Variants in XYLT1 observed in about 807,000 individuals in gnomAD.
XYLT1 encodes the protein beta-D-xylosyltransferase 1.
XYLT1 carries 36 observed loss-of-function variants against 91.3 expected under a neutral mutation model. The ratio of observed to expected loss-of-function variants is 0.39; its 90% CI spans 0.30 to 0.52. The LOEUF (loss-of-function observed/expected upper bound fraction) is 0.52. Among genes scored for constraint, XYLT1 ranks in the 20% least tolerant of loss-of-function variants. The pLI, the probability that XYLT1 is intolerant of heterozygous loss-of-function variation, is 0.68. For missense variants in XYLT1, 1,242 were observed against 1,284.5 expected (o/e 0.97, Z 0.51); for synonymous variants, 588 against 532.0 (o/e 1.11, Z -1.45).
intron 1 of XYLT1, among the ~76,000 whole-genome samples, chr16:17,465,479 T>C (rs1567213215): frequency 6.6e-6 from 1 of 151,430 alleles, no homozygotes. Context: ...CGATTTCTAG[T>C]TGGGTGTCCT....
intron 3 of XYLT1, among the ~76,000 whole-genome samples, chr16:17,209,275 A>C (rs2035721214): frequency 6.6e-6 from 1 of 152,150 alleles, no homozygotes; most frequent in Non-Finnish European, 1.5e-5. Flanking sequence ...TTGTGTCTGG[A>C]TCCTTTCACT....
At chr16:17,131,838 C>A (rs1028564900) in intron 9 of XYLT1, among the ~76,000 whole-genome samples, 1 of 152,202 alleles carries the variant, frequency 6.6e-6, no homozygotes, top group African/African-American at 2.4e-5. Flanking sequence ...GGCTAGGAAT[C>A]CATTCTCTTC....
intron 2 of XYLT1, among the ~76,000 whole-genome samples, chr16:17,329,943 C>G (rs2034869587): frequency 6.6e-6 from 1 of 152,194 alleles, no homozygotes; most frequent in Non-Finnish European, 1.5e-5. Context: ...TGTTGAGCGT[C>G]TAACACCTAG....
At chr16:17,161,383 G>T (rs1263869440) in intron 5 of XYLT1, among the ~76,000 whole-genome samples, 1 of 152,182 alleles carries the variant, frequency 6.6e-6, no homozygotes, top group Non-Finnish European at 1.5e-5. Context: ...CTGTGTGCTT[G>T]GCAAAGGATC....
At chr16:17,328,729 T>C (rs912737499) in intron 2 of XYLT1, among the ~76,000 whole-genome samples, 1 of 152,164 alleles carries the variant, frequency 6.6e-6, no homozygotes, top group Non-Finnish European at 1.5e-5. Context: ...TCAGTGCTTT[T>C]AGCAGAATCT....
intron 5 of XYLT1, among the ~76,000 whole-genome samples, chr16:17,187,566 CAAAAAAAA>C (rs57130941): frequency 8.7e-5 from 5 of 57,238 alleles, no homozygotes; most frequent in African/African-American, 2.3e-4. Context: ...AACGCTGTCT[CAAAAAAAA>C]AAAAAAAAAA....
At chr16:17,454,621 C>T (rs1049669888) in intron 1 of XYLT1, among the ~76,000 whole-genome samples, 1 of 151,656 alleles carries the variant, frequency 6.6e-6, no homozygotes, top group Non-Finnish European at 1.5e-5. Context: ...AGTGCAATCT[C>T]TGCCTCCCGG....
chr16:17,444,064 G>C (rs181919194), intron 1 of XYLT1, among the ~76,000 whole-genome samples: 168 of 152,220 alleles, frequency 1.1e-3, no homozygotes, highest in Non-Finnish European at 2.0e-3. Flanking sequence ...GCTTCCTCCA[G>C]CCTTCACATT....
chr16:17,202,503 TC>T (rs1157295342), intron 3 of XYLT1, among the ~76,000 whole-genome samples: 9 of 152,318 alleles, frequency 5.9e-5, no homozygotes, highest in Non-Finnish European at 1.2e-4. Flanking sequence ...TTCTTTCTCT[TC>T]CTCAAACAAG....
chr16:17,159,336 TACC>T (rs920644707), intron 5 of XYLT1, among the ~76,000 whole-genome samples: 6 of 152,174 alleles, frequency 3.9e-5, no homozygotes, highest in African/African-American at 1.4e-4. Flanking sequence ...TCCTTTCAAA[TACC>T]ACCTCTTTAG....
At chr16:17,458,107 T>G (rs1190321566) in intron 1 of XYLT1, among the ~76,000 whole-genome samples, 1 of 152,222 alleles carries the variant, frequency 6.6e-6, no homozygotes, top group Non-Finnish European at 1.5e-5. Context: ...GGTTGAGAGC[T>G]GAGACTCTGC....
At chr16:17,242,983 G>A (rs918934431) in intron 3 of XYLT1, among the ~76,000 whole-genome samples, 5 of 152,336 alleles carry the variant, frequency 3.3e-5, no homozygotes, top group South Asian at 4.1e-4. Flanking sequence ...TCCACTGTAT[G>A]TGTAGACCAC....
chr16:17,319,042 C>T (rs2083395554), intron 2 of XYLT1, among the ~76,000 whole-genome samples: 1 of 152,098 alleles, frequency 6.6e-6, no homozygotes, highest in Non-Finnish European at 1.5e-5. Context: ...CCCGCCTACG[C>T]CTTCCAAAGT....
Position 17,205,532 on chromosome 16 carries a change from T to A in XYLT1, c.914-4878A>T, listed in dbSNP as rs139295064. Among the ~76,000 whole-genome samples, 194 of 152,326 alleles carry A rather than the reference T, an allele frequency of 1.3e-3. 3 individuals are homozygous for A. Among genetic ancestry groups the A allele is most frequent in the African/African-American group, 4.5e-3 (187 of 41,566 alleles). On this transcript the variant is annotated intron_variant, in intron 3 of 11. Transcript: ENST00000261381. ...GTATAATCACAGAATCCACCCCACATGGACATTCACATCCAGAAGAGAGAG... is the reference window on the plus strand; with the variant it reads ...GTATAATCACAGAATCCACCCCACAAGGACATTCACATCCAGAAGAGAGAG...
Position 17,296,306 on chromosome 16 carries a change from G to A in XYLT1, c.403-36808C>T, listed in dbSNP as rs140578030. 4.6e-3 allele frequency among the ~76,000 whole-genome samples: 708 copies of A among 152,258 alleles called. 2 individuals are homozygous for A. Among genetic ancestry groups the A allele is most frequent in the Non-Finnish European group, 7.0e-3 (473 of 68,012 alleles). The stretch of plus-strand genomic sequence containing the variant: ...GGGTACCACAGGAGGCAGGCTCAGC[G>A]CGTTTATCCCCATGTAAAGATTGCA... On this transcript the variant is annotated intron_variant, in intron 2 of 11. Transcript: ENST00000261381.
At chr16:17,136,380 C>G (rs571286863) in intron 8 of XYLT1, among the ~76,000 whole-genome samples, 1 of 152,278 alleles carries the variant, frequency 6.6e-6, no homozygotes, top group Non-Finnish European at 1.5e-5. Context: ...TTCTAAACAT[C>G]TCATTGCCAG....
At chr16:17,165,565 C>A (rs547601643) in intron 5 of XYLT1, among the ~76,000 whole-genome samples, 1 of 151,724 alleles carries the variant, frequency 6.6e-6, no homozygotes, top group African/African-American at 2.4e-5. Flanking sequence ...TGGTAGTGGG[C>A]GCCTGTAATC....
rs776003531 is a variant in XYLT1 at position 17,200,584 on chromosome 16, G to A, written c.984C>T (p.Ile328=). The change falls in exon 4 of 12, where the codon ATC becomes ATT. Residue 328 remains isoleucine (I), a synonymous_variant. Transcript: ENST00000261381. ...GGCCGTGGACCACCAGGACAAAGGC[G>A]ATTCTGACCGGGTTGGCTGGCATGT... ...VEYMPANPVR[I]AFVLVVHGRA... 1.4e-5 allele frequency: 23 copies of A among 1,614,102 alleles called. No homozygotes were observed. The Admixed American group carries it at 2.5e-4, about 18-fold the overall frequency.
At chr16:17,306,907 G>C (rs1371085523) in intron 2 of XYLT1, among the ~76,000 whole-genome samples, 1 of 152,190 alleles carries the variant, frequency 6.6e-6, no homozygotes, top group African/African-American at 2.4e-5. Context: ...GAGAGGCAGG[G>C]TGACTTGCCC....
Sources: gnomAD v4.1 joint callset for allele counts (sites outside exome capture counted in the v4.1 genomes callset) on GRCh38, gnomAD v4.1.1 for gene constraint, MANE v1.5 for transcripts, NCBI Gene and HGNC (gene_info 2026-07-23, HGNC 2026-07-21) for gene names.